The following PFKP variants were observed in gnomAD, a reference collection of about 807,000 sequenced individuals.
PFKP encodes the protein ATP-dependent 6-phosphofructokinase, platelet type.
In PFKP, 101 loss-of-function variants were observed where a neutral mutation model predicts 94.3. The ratio of observed to expected loss-of-function variants is 1.07; its 90% CI spans 0.91 to 1.26. The LOEUF (loss-of-function observed/expected upper bound fraction) is 1.26. Among genes scored for constraint, PFKP ranks in the 50% most tolerant of loss-of-function variants. The probability of loss-of-function intolerance (pLI) is 0.00; values close to 1 mark genes in which losing one functional copy is unlikely to be tolerated. For missense variants in PFKP, 1,145 were observed against 1,103.3 expected (o/e 1.04, Z -0.53); for synonymous variants, 573 against 432.6 (o/e 1.32, Z -4.03).
At chr10:3,100,886 C>G (rs1161878562) in intron 3 of PFKP, 1 of 967,886 alleles carries the variant, frequency 1.0e-6, no homozygotes, top group African/African-American at 2.3e-5. Context: ...AAAAAAATCC[C>G]CCTGGCCCCA....
chr10:3,112,376 T>C, intron 11 of PFKP, 90 bp downstream of exon 11: 2 of 946,886 alleles, frequency 2.1e-6, no homozygotes, highest in Admixed American at 1.7e-5. Context: ...TTGTGCTTAT[T>C]CCATGTCACT....
At chr10:3,101,319 G>T (rs373729908) in intron 3 of PFKP, 46 bp from the exon 4 acceptor site, 5 of 1,459,616 alleles carry the variant, frequency 3.4e-6, no homozygotes, top group East Asian at 2.5e-5. Flanking sequence ...TCCACCTGGC[G>T]CTCTCTCAGA....
chr10:3,124,376 GGA>G (rs1474013057), intron 16 of PFKP, among the ~76,000 whole-genome samples: 2 of 152,208 alleles, frequency 1.3e-5, no homozygotes, highest in East Asian at 1.9e-4. Flanking sequence ...ACCCTGAGGT[GGA>G]GTCTGAAAAA....
rs550624324 is a variant in PFKP, at chr10:3,101,029, G to T, written c.265-336G>T. ...AGTGGGCTTGTCTTTGGTTCCACGTGCACCTGGTTGAGCTCGTTGGCCGGT... is the reference window on the plus strand; with the variant it reads ...AGTGGGCTTGTCTTTGGTTCCACGTTCACCTGGTTGAGCTCGTTGGCCGGT... On this transcript the variant is annotated intron_variant, in intron 3 of 21. Coordinates refer to ENST00000381125, the MANE Select transcript of PFKP (RefSeq NM_002627.5). 1.5e-5 allele frequency: 23 copies of T among 1,569,596 alleles called. No homozygotes were observed. In the African/African-American group the frequency reaches 2.8e-4, roughly 19 times the overall value.
At chr10:3,115,469 C>CAG (rs1564327712) in intron 13 of PFKP, among the ~76,000 whole-genome samples, 1 of 35,694 alleles carries the variant, frequency 2.8e-5, no homozygotes, top group African/African-American at 6.7e-5. Flanking sequence ...GTGTGTCCCG[C>CAG]CATGGAGGAC....
chr10:3,091,930 A>G (rs1274851180), intron 2 of PFKP, among the ~76,000 whole-genome samples: 1 of 152,244 alleles, frequency 6.6e-6, no homozygotes, highest in Non-Finnish European at 1.5e-5. Flanking sequence ...AATTCTGATC[A>G]TTTTATCGCT....
intron 2 of PFKP, among the ~76,000 whole-genome samples, chr10:3,086,835 G>T (rs747418458): frequency 1.3e-5 from 2 of 152,182 alleles, no homozygotes; most frequent in Non-Finnish European, 2.9e-5. Context: ...ACTGTGTGCT[G>T]TAGTCGCCCG....
At chr10:3,135,590 C>A in intron 20 of PFKP, 146 bp from the exon 21 acceptor site, 1 of 581,544 alleles carries the variant, frequency 1.7e-6, no homozygotes, top group Non-Finnish European at 3.1e-6. Context: ...GGCCCCACTG[C>A]GCGGCTGTTC....
rs1399312392 is a variant in PFKP, at chr10:3,104,978, C to T, written c.621-137C>T. 5.1e-6 allele frequency: 4 copies of T among 783,854 alleles called. No homozygotes were observed. In the East Asian group the frequency reaches 7.9e-5, roughly 15 times the overall value. 48.6% of individuals were successfully genotyped at this position (783,854 alleles called of 1,614,324 possible). ...TGGACCATTTTTGAAGCCTAGGTCC[C>T]TGCAGGCCTCCTGGCTAACTCGGCT... is the stretch of plus-strand genomic sequence containing the variant. On this transcript the variant is annotated intron_variant, in intron 5 of 21. Transcript: ENST00000381125.
intron 16 of PFKP, among the ~76,000 whole-genome samples, chr10:3,126,741 TTA>T (rs1344062901): frequency 1.3e-5 from 2 of 152,232 alleles, no homozygotes; most frequent in Non-Finnish European, 2.9e-5. Context: ...CACCACCAAT[TTA>T]TATTTCTTAA....
intron 2 of PFKP, among the ~76,000 whole-genome samples, chr10:3,090,830 T>A (rs917340670): frequency 6.6e-6 from 1 of 152,190 alleles, no homozygotes; most frequent in African/African-American, 2.4e-5. Flanking sequence ...GGGGATATTA[T>A]GTTTTATTTT....
At position 3,102,353 on chromosome 10, in the gene PFKP, C is replaced by T. The variant is rs139894791; in HGVS notation, c.454+799C>T. Among the ~76,000 whole-genome samples, 347 of 151,162 alleles carry T rather than the reference C, an allele frequency of 2.3e-3. 5 individuals carry two copies. In the East Asian group the frequency reaches 0.037, roughly 16 times the overall value. The stretch of plus-strand genomic sequence containing the variant: ...TCATCCAGTACCAACTTTGGCACTA[C>T]TTAGGAAAGCGTTTCTGAGAGCCCT... On this transcript the variant is annotated intron_variant, in intron 4 of 21. Transcript: ENST00000381125.
intron 20 of PFKP, among the ~76,000 whole-genome samples, chr10:3,134,900 TC>T (rs981862709): frequency 1.1e-3 from 161 of 152,340 alleles, no homozygotes; most frequent in African/African-American, 3.8e-3. Context: ...AGTGGGGCCT[TC>T]TATTTTTTGA....
chr10:3,115,859 G>GGT (rs1836786084), intron 13 of PFKP, among the ~76,000 whole-genome samples: 2 of 152,080 alleles, frequency 1.3e-5, no homozygotes, highest in South Asian at 4.2e-4. Flanking sequence ...AGAGAGGTGG[G>GGT]GTGGAGATGC....
chr10:3,136,249 G>A (rs1488847479), intron 21 of PFKP, among the ~76,000 whole-genome samples: 1 of 152,110 alleles, frequency 6.6e-6, no homozygotes, highest in Admixed American at 6.5e-5. Context: ...TGGCGACAGA[G>A]CGAGACTCCA....
chr10:3,096,412 A>G (rs1220058875), intron 2 of PFKP, among the ~76,000 whole-genome samples: 1 of 152,150 alleles, frequency 6.6e-6, no homozygotes, highest in Admixed American at 6.5e-5. Context: ...AATGACCGCA[A>G]CAGCTCTGGG....
intron 13 of PFKP, among the ~76,000 whole-genome samples, chr10:3,114,523 G>A (rs1180556338): frequency 3.3e-5 from 5 of 152,242 alleles, no homozygotes; most frequent in Non-Finnish European, 5.9e-5. Flanking sequence ...TGGTTCCGTG[G>A]AGACTGCGTT....
intron 20 of PFKP, among the ~76,000 whole-genome samples, chr10:3,135,090 C>T (rs1257403213): frequency 2.6e-5 from 4 of 152,162 alleles, no homozygotes; most frequent in South Asian, 4.1e-4. Context: ...ACTGAAGTTT[C>T]AAGAAACATG....
At chr10:3,094,310 A>C (rs2131499632) in intron 2 of PFKP, among the ~76,000 whole-genome samples, 1 of 152,374 alleles carries the variant, frequency 6.6e-6, no homozygotes, top group South Asian at 2.1e-4. Flanking sequence ...GTGATGCCAG[A>C]GGGCTAAATA....
Sources: allele counts gnomAD v4.1 joint callset (sites outside exome capture counted in the v4.1 genomes callset), GRCh38; gene constraint gnomAD v4.1.1; transcripts MANE v1.5; gene names NCBI Gene and HGNC (gene_info 2026-07-23, HGNC 2026-07-21).